Variants in CCDC169 observed in about 807,000 individuals in gnomAD.
CCDC169 encodes the protein coiled-coil domain containing 169.
CCDC169 carries 30 observed loss-of-function variants against 36.0 expected under a neutral mutation model. The ratio of observed to expected loss-of-function variants is 0.83; its 90% CI spans 0.62 to 1.13. CCDC169 has a LOEUF of 1.13. Among genes scored for constraint, CCDC169 ranks in the 50% most tolerant of loss-of-function variants. The pLI is 0.00. For missense variants in CCDC169, 245 were observed against 245.9 expected (o/e 1.00, Z 0.03); for synonymous variants, 85 against 81.5 (o/e 1.04, Z -0.23).
At chr13:36,288,599 C>G (rs9566048) in intron 2 of CCDC169, among the ~76,000 whole-genome samples, 38,513 of 152,034 alleles carry the variant, frequency 0.25, 5,155 homozygotes, top group East Asian at 0.49. Context: ...TCCAGAAAAT[C>G]CTAACATCTG....
chr13:36,285,606 G>GATACATAGATAC (rs1232836693), intron 2 of CCDC169, among the ~76,000 whole-genome samples: 3 of 139,998 alleles, frequency 2.1e-5, no homozygotes, highest in African/African-American at 7.8e-5. Context: ...TAGATAGATA[G>GATACATAGATAC]ATAGATAGAT....
Position 36,254,101 on chromosome 13 carries a change from T to G in CCDC169, c.358A>C (p.Lys120Gln). ...TATTTCACTTGACTTTCAAGAGTCT[T>G]CTTTTCTTCTTCTAGCTGTTTAAGT... The part of the protein sequence containing the change: ...TLLKQLEEEK[K>Q]TLESQVKYYA... Residue 120 changes from lysine to glutamine, a missense_variant, in exon 5 of 8, where the codon AAG becomes CAG. Physicochemically the swap from Lys to Gln is moderately conservative, Grantham distance 53. Transcript: ENST00000239859. 6.5e-7 allele frequency: 1 copy of G among 1,545,852 alleles called. No individual in the cohort carries two copies. The highest frequency in any genetic ancestry group is 8.7e-7 in the Non-Finnish European group (1 of 1,145,300).
chr13:36,277,417 A>G (rs1435872384), intron 4 of CCDC169, among the ~76,000 whole-genome samples: 1 of 152,160 alleles, frequency 6.6e-6, no homozygotes, highest in East Asian at 1.9e-4. Flanking sequence ...ACCATGGCAC[A>G]TGTTTACCTA....
intron 2 of CCDC169, among the ~76,000 whole-genome samples, chr13:36,294,686 C>T (rs1302482021): frequency 3.3e-5 from 5 of 151,970 alleles, no homozygotes; most frequent in South Asian, 2.1e-4. Context: ...ATGAGCTCCC[C>T]GAGTAAGCAA....
downstream of CCDC169, among the ~76,000 whole-genome samples, chr13:36,230,140 C>T (rs1870260142): frequency 6.6e-6 from 1 of 152,152 alleles, no homozygotes; most frequent in South Asian, 2.1e-4. Context: ...CAGAAATGCA[C>T]TTGGTATTCA....
chr13:36,260,272 T>C (rs1014517478), intron 4 of CCDC169, among the ~76,000 whole-genome samples: 13 of 152,146 alleles, frequency 8.5e-5, no homozygotes, highest in Non-Finnish European at 8.8e-5. Context: ...ATTGTTACCA[T>C]TGTAACAAAA....
chr13:36,279,883 C>T (rs1334712213), intron 4 of CCDC169, among the ~76,000 whole-genome samples: 1 of 152,050 alleles, frequency 6.6e-6, no homozygotes, highest in Non-Finnish European at 1.5e-5. Flanking sequence ...TTTGCTAAGC[C>T]TAGAGGAACA....
downstream of CCDC169, chr13:36,222,306 G>A (rs2138352907): frequency 6.6e-6 from 1 of 152,540 alleles, no homozygotes; most frequent in South Asian, 2.1e-4. Context: ...AGAAGACAGA[G>A]GCTGGAGTTC....
At chr13:36,247,333 T>G (rs912133490) in intron 7 of CCDC169, among the ~76,000 whole-genome samples, 1 of 151,916 alleles carries the variant, frequency 6.6e-6, no homozygotes, top group Non-Finnish European at 1.5e-5. Context: ...GATCAAGGAG[T>G]AATTTTAGCT....
chr13:36,256,877 T>C (rs1054282066), intron 4 of CCDC169, among the ~76,000 whole-genome samples: 8 of 152,156 alleles, frequency 5.3e-5, no homozygotes, highest in Non-Finnish European at 1.2e-4. Flanking sequence ...TGTCCATAGG[T>C]TCCCTGGCAC....
chr13:36,267,149 T>G (rs189841265), intron 4 of CCDC169: 2 of 152,190 alleles, frequency 1.3e-5, no homozygotes, highest in African/African-American at 4.8e-5. Context: ...TAGGAAAAGT[T>G]TGGCAAAGCC....
chr13:36,246,769 T>C (rs969706288), intron 7 of CCDC169, among the ~76,000 whole-genome samples: 3 of 152,126 alleles, frequency 2.0e-5, no homozygotes, highest in Non-Finnish European at 4.4e-5. Flanking sequence ...CAGCCTTCTG[T>C]TGGAAAAAGA....
intron 4 of CCDC169, among the ~76,000 whole-genome samples, chr13:36,263,253 C>T (rs1156750536): frequency 1.3e-5 from 2 of 152,056 alleles, no homozygotes; most frequent in African/African-American, 4.8e-5. Flanking sequence ...AAATTTAATC[C>T]CCAACTGATA....
intron 2 of CCDC169, among the ~76,000 whole-genome samples, chr13:36,285,711 T>C (rs1878169035): frequency 6.6e-6 from 1 of 152,140 alleles, no homozygotes; most frequent in African/African-American, 2.4e-5. Flanking sequence ...TGCTTGCCAC[T>C]TACAGAGTCC....
chr13:36,261,180 G>A (rs1020751223), intron 4 of CCDC169, among the ~76,000 whole-genome samples: 5 of 152,080 alleles, frequency 3.3e-5, no homozygotes, highest in African/African-American at 1.2e-4. Context: ...TCTGTTCTTG[G>A]TCACCCCAGT....
At chr13:36,283,320 T>C in intron 4 of CCDC169, 149 bp downstream of exon 4, 4 of 744,520 alleles carry the variant, frequency 5.4e-6, no homozygotes, top group Non-Finnish European at 8.6e-6. Flanking sequence ...TACTCAAAAA[T>C]TATTTGTTGT....
intron 7 of CCDC169, among the ~76,000 whole-genome samples, chr13:36,241,171 G>C (rs749840747): frequency 1.3e-5 from 2 of 151,976 alleles, no homozygotes; most frequent in Non-Finnish European, 2.9e-5. Flanking sequence ...GATTTGTTCT[G>C]AATGTTAGGA....
intron 2 of CCDC169, among the ~76,000 whole-genome samples, chr13:36,284,007 C>T (rs1465190560): frequency 6.6e-6 from 1 of 151,900 alleles, no homozygotes; most frequent in African/African-American, 2.4e-5. Flanking sequence ...ACAATGAATT[C>T]AATTAGAGGG....
rs988408755 is a variant in CCDC169, at chr13:36,248,191, C to G, written c.545+415G>C. 2.0e-5 allele frequency among the ~76,000 whole-genome samples: 3 copies of G among 152,002 alleles called. No individual in the cohort carries two copies. The East Asian group carries it at 5.8e-4, about 29-fold the overall frequency. On this transcript the variant is annotated intron_variant, in intron 7 of 7. Coordinates refer to ENST00000239859, the MANE Select transcript of CCDC169 (RefSeq NM_001144981.3). ...GACTACAGTAATGGTATAAAAAAAA[C>G]TTTTATATATACTAAGAAACCCCAA...
Sources: allele counts gnomAD v4.1 joint callset (sites outside exome capture counted in the v4.1 genomes callset), GRCh38; gene constraint gnomAD v4.1.1; transcripts MANE v1.5; gene names NCBI Gene and HGNC (gene_info 2026-07-23, HGNC 2026-07-21).